CRYM: variants seen among roughly 807,000 people sequenced by gnomAD.
CRYM encodes the protein ketimine reductase mu-crystallin.
In CRYM, 18 loss-of-function variants were observed where a neutral mutation model predicts 32.9. The ratio of observed to expected loss-of-function variants is 0.55; its 90% CI spans 0.38 to 0.81. CRYM has a LOEUF of 0.81. Among genes scored for constraint, CRYM ranks in the 30% least tolerant of loss-of-function variants. CRYM has a pLI of 0.00. For missense variants in CRYM, 337 were observed against 393.5 expected (o/e 0.86, Z 1.21); for synonymous variants, 153 against 152.4 (o/e 1.00, Z -0.03).
Position 21,287,302 on chromosome 16 carries a change from C to G in CRYM, c.-192-8342G>C, listed in dbSNP as rs76091573. On this transcript the variant is annotated intron_variant, in intron 1 of 9. Coordinates refer to the CRYM transcript ENST00000219599. ...GAGAGGAAATTGTTTTCCAAACAAC[C>G]ATAAGACCTATTTTTTGGTAGAGTT... Among the ~76,000 whole-genome samples, 1,214 of 152,194 alleles carry G rather than the reference C, an allele frequency of 8.0e-3. 18 individuals carry two copies. The highest frequency in any genetic ancestry group is 0.028 in the African/African-American group (1,155 of 41,504).
intron 3 of CRYM, among the ~76,000 whole-genome samples, chr16:21,273,297 TCTA>T (rs1435568827): frequency 6.6e-6 from 1 of 152,136 alleles, no homozygotes; most frequent in Non-Finnish European, 1.5e-5. Flanking sequence ...AAGAAAATAT[TCTA>T]CTCTCAAGGC....
At chr16:21,276,163 T>A (rs2093385931) in intron 2 of CRYM, among the ~76,000 whole-genome samples, 1 of 152,154 alleles carries the variant, frequency 6.6e-6, no homozygotes, top group Admixed American at 6.5e-5. Context: ...GCCTCGCTAG[T>A]AAAAACCATC....
chr16:21,288,990 A>T (rs1567239513), intron 1 of CRYM, among the ~76,000 whole-genome samples: 1 of 152,052 alleles, frequency 6.6e-6, no homozygotes, highest in Non-Finnish European at 1.5e-5. Context: ...ATTTATTAAG[A>T]CTTGTTTTGT....
chr16:21,281,777 C>T (rs226032), upstream of CRYM, among the ~76,000 whole-genome samples: 37,113 of 152,076 alleles, frequency 0.24, 4,757 homozygotes, highest in African/African-American at 0.29. Context: ...CATTTAAATG[C>T]TGCAACCACC....
intron 6 of CRYM, chr16:21,261,585 C>T: frequency 1.8e-6 from 1 of 568,366 alleles, no homozygotes; most frequent in South Asian, 2.1e-5. Context: ...GCTCAGGGAG[C>T]TGTCCTGCCA....
chr16:21,292,214 A>C (rs1176623810), intron 1 of CRYM, among the ~76,000 whole-genome samples: 1 of 152,166 alleles, frequency 6.6e-6, no homozygotes, highest in Non-Finnish European at 1.5e-5. Flanking sequence ...TGATCTACCA[A>C]AAAAGAGACT....
intron 7 of CRYM, among the ~76,000 whole-genome samples, chr16:21,260,763 C>G (rs1263024943): frequency 6.6e-6 from 1 of 152,210 alleles, no homozygotes; most frequent in East Asian, 1.9e-4. Flanking sequence ...CTCAAAGCAG[C>G]AAGTGGGAGA....
chr16:21,277,461 G>A lies in CRYM; in HGVS notation c.294C>T (p.Leu98=). Residue 98 remains leucine (L), a synonymous_variant, in exon 2 of 8, where the codon CTC becomes CTT. Coordinates refer to ENST00000572914, the MANE Select transcript of CRYM (RefSeq NM_001376256.1). The surrounding 1 kb of genome is among the most constrained non-coding windows in gnomAD (Gnocchi z 4.2). The part of the protein sequence containing the change: ...VVPSHQATVL[L]FEPSNGTLLA... Reference sequence around the variant, plus strand: ...GCAGGGTGCCATTGCTGGGCTCAAAGAGTAGCACAGTAGCCTGGTGGGAAG... The same window carrying A: ...GCAGGGTGCCATTGCTGGGCTCAAAAAGTAGCACAGTAGCCTGGTGGGAAG... The A allele has an allele frequency of 1.2e-6, 2 of 1,613,784 alleles. No homozygotes were observed. Among genetic ancestry groups the A allele is most frequent in the East Asian group, 2.2e-5 (1 of 44,882 alleles).
At position 21,277,644 on chromosome 16, in the gene CRYM, A is replaced by C; in HGVS notation, c.171-60T>G. On this transcript the variant is annotated intron_variant, in intron 1 of 7. Transcript: ENST00000572914. This position sits in a 1 kb window ranked among gnomAD's most constrained non-coding sequence, Gnocchi z 4.2. ...CCATCAATGCTGGGGTCTCTTAGAA[A>C]GTATCCATATACTTTCCTTTTTCTT... The C allele has an allele frequency of 6.3e-7, 1 of 1,595,862 alleles. No individual in the cohort carries two copies. The highest frequency in any genetic ancestry group is 8.6e-7 in the Non-Finnish European group (1 of 1,168,936).
At chr16:21,301,100 G>T (rs1237439180) in intron 1 of CRYM, 1 of 152,364 alleles carries the variant, frequency 6.6e-6, no homozygotes, top group Non-Finnish European at 1.5e-5. Context: ...TGGGTGGCCC[G>T]CATGAGGGGT....
At chr16:21,268,919 G>A (rs1260369479) in intron 4 of CRYM, among the ~76,000 whole-genome samples, 2 of 152,090 alleles carry the variant, frequency 1.3e-5, no homozygotes, top group African/African-American at 2.4e-5. Flanking sequence ...CAAGGCAGGT[G>A]GATCACCTGA....
At chr16:21,290,779 A>T (rs1960629298) in intron 1 of CRYM, among the ~76,000 whole-genome samples, 1 of 152,144 alleles carries the variant, frequency 6.6e-6, no homozygotes, top group Admixed American at 6.5e-5. Context: ...TTCTCTGAGG[A>T]TGTATGTCCT....
At position 21,289,346 on chromosome 16, in the gene CRYM, G is replaced by A. The variant is rs111640726; in HGVS notation, c.-192-10386C>T. On this transcript the variant is annotated intron_variant, in intron 1 of 9. Coordinates refer to the CRYM transcript ENST00000219599. ...ATAATGTCCTTCATCTCTTATAACC[G>A]TTTTTATCTTAAAGCCTATTTTGTC... 1.8e-4 allele frequency among the ~76,000 whole-genome samples: 28 copies of A among 152,118 alleles called. 1 individual carries two copies. The East Asian group carries it at 1.9e-3, about 10-fold the overall frequency.
chr16:21,287,244 G>A (rs1467248527), intron 1 of CRYM, among the ~76,000 whole-genome samples: 1 of 152,146 alleles, frequency 6.6e-6, no homozygotes, highest in Non-Finnish European at 1.5e-5. Flanking sequence ...ATAATTCAAA[G>A]ATTTCAAATA....
At chr16:21,294,927 C>A (rs1960756801) in intron 1 of CRYM, among the ~76,000 whole-genome samples, 1 of 152,020 alleles carries the variant, frequency 6.6e-6, no homozygotes, top group Admixed American at 6.6e-5. Flanking sequence ...GATCTCCTGA[C>A]CTCGCAATCC....
Position 21,287,300 on chromosome 16 carries a change from A to G in CRYM, c.-192-8340T>C, listed in dbSNP as rs899423483. ...TAGAGAGGAAATTGTTTTCCAAACA[A>G]CCATAAGACCTATTTTTTGGTAGAG... On this transcript the variant is annotated intron_variant, in intron 1 of 9. Transcript: ENST00000219599. Among the ~76,000 whole-genome samples, 12 of 152,208 alleles carry G rather than the reference A, an allele frequency of 7.9e-5. 1 individual carries two copies. Among genetic ancestry groups the G allele is most frequent in the Admixed American group, 5.9e-4 (9 of 15,274 alleles).
chr16:21,261,147 C>CTGCAG (rs2093353564), intron 7 of CRYM, 107 bp downstream of exon 7: 2 of 849,204 alleles, frequency 2.4e-6, no homozygotes, highest in East Asian at 5.0e-5. Flanking sequence ...AATGATGGAG[C>CTGCAG]ACAATGATTC....
chr16:21,275,406 G>T, intron 3 of CRYM, 126 bp downstream of exon 3: 1 of 757,024 alleles, frequency 1.3e-6, no homozygotes, highest in East Asian at 2.6e-5. Context: ...CTGACATCTG[G>T]AGTTCCAGCT....
At position 21,277,713 on chromosome 16, in the gene CRYM, C is replaced by T; in HGVS notation, c.171-129G>A. The T allele has an allele frequency of 9.8e-7, 1 of 1,023,400 alleles. No individual in the cohort carries two copies. Among genetic ancestry groups the T allele is most frequent in the Non-Finnish European group, 1.5e-6 (1 of 684,950 alleles). 63.4% of individuals were successfully genotyped at this position (1,023,400 alleles called of 1,614,324 possible). ...CTGGCCCTCTTCCAGCCCCCGCATCCCTCTGCCCTTCCCTTAGACACTATG... is the reference window on the plus strand; with the variant it reads ...CTGGCCCTCTTCCAGCCCCCGCATCTCTCTGCCCTTCCCTTAGACACTATG... On this transcript the variant is annotated intron_variant, in intron 1 of 7. Transcript: ENST00000572914. This position sits in a 1 kb window ranked among gnomAD's most constrained non-coding sequence, Gnocchi z 4.2.
Sources: allele counts gnomAD v4.1 joint callset (sites outside exome capture counted in the v4.1 genomes callset), GRCh38; gene constraint gnomAD v4.1.1; non-coding constraint Gnocchi (gnomAD v3.1); transcripts MANE v1.5; gene names NCBI Gene and HGNC (gene_info 2026-07-23, HGNC 2026-07-21).